Variants in CADM2 observed in about 807,000 individuals in gnomAD.
CADM2 encodes cell adhesion molecule 2.
Under a neutral mutation model 49.8 loss-of-function variants are expected in CADM2, and 12 were observed. The ratio of observed to expected loss-of-function variants is 0.24; its 90% CI spans 0.15 to 0.39. The LOEUF (loss-of-function observed/expected upper bound fraction) is 0.39. Ranked by LOEUF, CADM2 falls within the 10% of genes least tolerant of loss-of-function variation. The pLI is 1.00. For synonymous variants in CADM2, 214 were observed against 175.4 expected (o/e 1.22, Z -1.74); for missense variants, 378 against 492.3 (o/e 0.77, Z 2.20).
chr3:86,040,954 A>G (rs899235334), intron 8 of CADM2, among the ~76,000 whole-genome samples: 13 of 152,194 alleles, frequency 8.5e-5, no homozygotes, highest in Non-Finnish European at 1.6e-4. Flanking sequence ...AGAATTTTCA[A>G]CCCAGAATTT....
At chr3:85,558,504 A>C (rs959335675) in intron 1 of CADM2, among the ~76,000 whole-genome samples, 2 of 152,054 alleles carry the variant, frequency 1.3e-5, no homozygotes, top group Non-Finnish European at 2.9e-5. Flanking sequence ...TATTTATGCA[A>C]TATATAAGTT....
At chr3:85,579,158 A>G (rs1437737302) in intron 1 of CADM2, among the ~76,000 whole-genome samples, 1 of 152,192 alleles carries the variant, frequency 6.6e-6, no homozygotes, top group Admixed American at 6.6e-5. Flanking sequence ...GTATAAGTAG[A>G]TTTGAGCAAA....
chr3:85,364,867 TACAACAACAACAACAACAACA>T (rs57254550), intron 1 of CADM2, among the ~76,000 whole-genome samples: 2 of 147,214 alleles, frequency 1.4e-5, no homozygotes, highest in Admixed American at 6.7e-5. Flanking sequence ...TGCTTGTTCC[TACAACAACAACAACAACAACA>T]ACAACAACAA....
At chr3:85,332,131 G>A (rs1170592447) in intron 1 of CADM2, among the ~76,000 whole-genome samples, 1 of 151,970 alleles carries the variant, frequency 6.6e-6, no homozygotes, top group Non-Finnish European at 1.5e-5. Flanking sequence ...TGTTTGTTGA[G>A]ACAACGGCTG....
intron 1 of CADM2, among the ~76,000 whole-genome samples, chr3:85,433,425 G>A (rs1272331332): frequency 6.6e-6 from 1 of 151,970 alleles, no homozygotes; most frequent in Non-Finnish European, 1.5e-5. Context: ...TCCCCTTGTA[G>A]TTGGAGAATG....
intron 3 of CADM2, among the ~76,000 whole-genome samples, chr3:85,870,879 C>A (rs183244647): frequency 6.6e-6 from 1 of 151,982 alleles, no homozygotes; most frequent in East Asian, 1.9e-4. Context: ...ATACCATATA[C>A]AAAAAAATCA....
At chr3:85,735,055 A>T (rs1280235033) in intron 2 of CADM2, among the ~76,000 whole-genome samples, 2 of 151,310 alleles carry the variant, frequency 1.3e-5, no homozygotes, top group Non-Finnish European at 2.9e-5. Flanking sequence ...GCTGTCATTC[A>T]CTCAATAATT....
intron 1 of CADM2, among the ~76,000 whole-genome samples, chr3:85,589,183 A>G (rs1328455867): frequency 6.6e-6 from 1 of 151,990 alleles, no homozygotes; most frequent in African/African-American, 2.4e-5. Flanking sequence ...CCCTGTAATG[A>G]GTATTTCATT....
chr3:85,892,760 A>G (rs1197202236), intron 5 of CADM2, among the ~76,000 whole-genome samples: 1 of 152,190 alleles, frequency 6.6e-6, no homozygotes, highest in Non-Finnish European at 1.5e-5. Flanking sequence ...CACTGCTGTA[A>G]AGTTACCCAA....
intron 3 of CADM2, among the ~76,000 whole-genome samples, chr3:85,870,251 T>C (rs543671368): frequency 6.6e-6 from 1 of 152,118 alleles, no homozygotes; most frequent in African/African-American, 2.4e-5. Context: ...ATGATGATTT[T>C]TTTTTTTTAA....
At chr3:85,919,218 G>T (rs959918984) in intron 6 of CADM2, among the ~76,000 whole-genome samples, 2 of 151,938 alleles carry the variant, frequency 1.3e-5, no homozygotes, top group African/African-American at 2.4e-5. Flanking sequence ...ATTAATGTTT[G>T]TTTAGTACTT....
At chr3:85,447,633 G>T (rs1187301353) in intron 1 of CADM2, among the ~76,000 whole-genome samples, 2 of 152,068 alleles carry the variant, frequency 1.3e-5, no homozygotes. Flanking sequence ...TTTACATTTC[G>T]CAAACATGCT....
At chr3:85,019,982 C>T (rs550877913) in intron 1 of CADM2, among the ~76,000 whole-genome samples, 3 of 152,136 alleles carry the variant, frequency 2.0e-5, no homozygotes, top group Non-Finnish European at 4.4e-5. Flanking sequence ...CCACCCTCCA[C>T]AAATACAAAG....
chr3:85,593,231 G>A (rs1026054043), intron 1 of CADM2, among the ~76,000 whole-genome samples: 1 of 151,598 alleles, frequency 6.6e-6, no homozygotes, highest in African/African-American at 2.4e-5. Flanking sequence ...CAATGTGCAG[G>A]TTTGTTACAT....
chr3:85,952,079 A>T (rs1723497575), intron 7 of CADM2, among the ~76,000 whole-genome samples: 1 of 151,056 alleles, frequency 6.6e-6, no homozygotes, highest in East Asian at 2.0e-4. Context: ...TTAGAAAAAA[A>T]AATGAGACTT....
At chr3:85,881,308 A>T (rs1712732200) in intron 3 of CADM2, among the ~76,000 whole-genome samples, 1 of 151,978 alleles carries the variant, frequency 6.6e-6, no homozygotes, top group African/African-American at 2.4e-5. Context: ...ATCATTAGTA[A>T]TTGCTTATTA....
chr3:85,467,579 A>T (rs2038553804), intron 1 of CADM2, among the ~76,000 whole-genome samples: 1 of 152,020 alleles, frequency 6.6e-6, no homozygotes, highest in Non-Finnish European at 1.5e-5. Context: ...GCAAATACCA[A>T]CACTACAGGA....
intron 1 of CADM2, among the ~76,000 whole-genome samples, chr3:85,282,611 A>G (rs887628324): frequency 4.6e-5 from 7 of 151,706 alleles, no homozygotes; most frequent in African/African-American, 1.5e-4. Flanking sequence ...ACTTATATAG[A>G]TTTCGAGAGA....
In CADM2 at chr3:86,063,419, G is replaced by A. The variant is rs551140631; in HGVS notation, c.971-2186G>A. ...CAGGCTGGCATTACAAGTCCCCTCT[G>A]TCTTGACAAGGTTTGTTGTTCCCTG... On this transcript the variant is annotated intron_variant, in intron 8 of 9. Transcript: ENST00000383699. Among the ~76,000 whole-genome samples, 6 of 152,268 alleles carry A rather than the reference G, an allele frequency of 3.9e-5. No individual in the cohort carries two copies. The South Asian group carries it at 1.2e-3, about 32-fold the overall frequency.
Sources: gnomAD v4.1 joint callset for allele counts (sites outside exome capture counted in the v4.1 genomes callset) on GRCh38, gnomAD v4.1.1 for gene constraint, MANE v1.5 for transcripts, NCBI Gene and HGNC (gene_info 2026-07-23, HGNC 2026-07-21) for gene names.